LYRM4: variants seen among roughly 807,000 people sequenced by gnomAD.
LYRM4 encodes LYR motif-containing protein 4.
Under a neutral mutation model 11.7 loss-of-function variants are expected in LYRM4, and 9 were observed. The ratio of observed to expected loss-of-function variants is 0.77; its 90% CI spans 0.46 to 1.34. The LOEUF (loss-of-function observed/expected upper bound fraction) is 1.34, where lower values mean the gene tolerates loss of function less well. Among genes scored for constraint, LYRM4 ranks in the 40% most tolerant of loss-of-function variants. The probability of loss-of-function intolerance (pLI) is 0.00; values close to 1 mark genes in which losing one functional copy is unlikely to be tolerated. For missense variants in LYRM4, 133 were observed against 112.5 expected (o/e 1.18, Z -0.82); for synonymous variants, 42 against 40.4 (o/e 1.04, Z -0.15).
chr6:5,117,202 G>T (rs778919718), intron 2 of LYRM4, among the ~76,000 whole-genome samples: 18 of 152,208 alleles, frequency 1.2e-4, no homozygotes, highest in Non-Finnish European at 1.8e-4. Flanking sequence ...CAGGCACCTG[G>T]CAAGAGCCTG....
chr6:5,086,657 C>T, the LYRM4 span: 27 of 1,085,370 alleles, frequency 2.5e-5, no homozygotes, highest in African/African-American at 4.1e-4. Flanking sequence ...CTTTGCTGAG[C>T]GTGGCGAGTC....
chr6:5,195,009 G>A (rs1186525497), intron 2 of LYRM4, among the ~76,000 whole-genome samples: 2 of 152,316 alleles, frequency 1.3e-5, no homozygotes, highest in African/African-American at 4.8e-5. Context: ...GCAAGAAACT[G>A]TTACACATAA....
At chr6:5,181,158 T>C (rs1760049216) in intron 2 of LYRM4, among the ~76,000 whole-genome samples, 1 of 152,228 alleles carries the variant, frequency 6.6e-6, no homozygotes, top group East Asian at 1.9e-4. Context: ...TTTTCGTTTG[T>C]TTGTTTTTAA....
chr6:5,172,412 A>G (rs1759483186), intron 2 of LYRM4, among the ~76,000 whole-genome samples: 1 of 152,166 alleles, frequency 6.6e-6, no homozygotes, highest in African/African-American at 2.4e-5. Context: ...CTGTCCAGGA[A>G]CGATGACCAC....
chr6:5,192,211 G>T (rs1486157975), intron 2 of LYRM4, among the ~76,000 whole-genome samples: 1 of 152,142 alleles, frequency 6.6e-6, no homozygotes. Context: ...TTCCCCACAG[G>T]ACTTTGTGAA....
chr6:5,151,084 A>ATT (rs10599613), intron 2 of LYRM4, among the ~76,000 whole-genome samples: 10 of 136,742 alleles, frequency 7.3e-5, no homozygotes, highest in South Asian at 2.3e-4. Flanking sequence ...TTTGTTTTGA[A>ATT]TTTTTTTTTT....
At chr6:5,259,940 T>C (rs975764519) in intron 1 of LYRM4, among the ~76,000 whole-genome samples, 3 of 152,124 alleles carry the variant, frequency 2.0e-5, no homozygotes, top group African/African-American at 7.2e-5. Flanking sequence ...AATAAAAGAC[T>C]CATAGGCAAA....
At chr6:5,078,318 T>G in the LYRM4 span, among the ~76,000 whole-genome samples, 1 of 151,744 alleles carries the variant, frequency 6.6e-6, no homozygotes, top group African/African-American at 2.4e-5. Context: ...GCTCAGACAG[T>G]GGACTGTGCC....
At chr6:5,223,355 T>G (rs1762695924) in intron 1 of LYRM4, among the ~76,000 whole-genome samples, 1 of 152,220 alleles carries the variant, frequency 6.6e-6, no homozygotes, top group Admixed American at 6.5e-5. Context: ...TGATCTCATT[T>G]AATCCTCACA....
Position 5,210,964 on chromosome 6 carries a change from A to C in LYRM4, c.207+5654T>G, listed in dbSNP as rs539143088. 1.4e-4 allele frequency among the ~76,000 whole-genome samples: 22 copies of C among 152,306 alleles called. 1 individual carries two copies. In the East Asian group the frequency reaches 2.1e-3, roughly 15 times the overall value. On this transcript the variant is annotated intron_variant, in intron 2 of 2. Coordinates refer to ENST00000330636, the MANE Select transcript of LYRM4 (RefSeq NM_020408.6). Reference sequence around the variant, plus strand: ...CTTTTGGCTATTGTGAATAGTATATAATCATTTTCATGTATTTTAAATGTC... The same window carrying C: ...CTTTTGGCTATTGTGAATAGTATATCATCATTTTCATGTATTTTAAATGTC...
intron 2 of LYRM4, among the ~76,000 whole-genome samples, chr6:5,133,065 C>A (rs944350643): frequency 3.3e-5 from 5 of 152,176 alleles, no homozygotes; most frequent in African/African-American, 1.2e-4. Context: ...TACTTTGTCT[C>A]TTTTTGTTAC....
At chr6:5,232,150 A>C (rs1763279201) in intron 1 of LYRM4, among the ~76,000 whole-genome samples, 1 of 152,236 alleles carries the variant, frequency 6.6e-6, no homozygotes, top group African/African-American at 2.4e-5. Context: ...TCTCAAAAAA[A>C]ACTGTTGAAT....
At chr6:5,097,879 C>T in the LYRM4 span, among the ~76,000 whole-genome samples, 2,581 of 152,314 alleles carry the variant, frequency 0.017, 34 homozygotes, top group Middle Eastern at 0.027. Flanking sequence ...ACATACACTG[C>T]GTTTCCTTAC....
At chr6:5,098,600 T>C in the LYRM4 span, among the ~76,000 whole-genome samples, 1 of 152,146 alleles carries the variant, frequency 6.6e-6, no homozygotes, top group Non-Finnish European at 1.5e-5. Flanking sequence ...ACAAGAATAT[T>C]GACGGTGGCA....
downstream of LYRM4, among the ~76,000 whole-genome samples, chr6:5,101,968 C>CTTTTTTTTTCTTTTTTTTTTTTTTTT: frequency 1.5e-5 from 1 of 67,988 alleles, no homozygotes; most frequent in Non-Finnish European, 3.0e-5. Context: ...CTAATGCTTT[C>CTTTTTTTTTCTTTTTTTTTTTTTTTT]TTTTTTTTTT....
chr6:5,117,431 T>C (rs1174660969), intron 2 of LYRM4, among the ~76,000 whole-genome samples: 3 of 151,994 alleles, frequency 2.0e-5, no homozygotes, highest in Non-Finnish European at 1.5e-5. Context: ...GGTGTGCGCC[T>C]GTAATCGCAG....
At chr6:5,067,512 C>T in the LYRM4 span, among the ~76,000 whole-genome samples, 1 of 152,212 alleles carries the variant, frequency 6.6e-6, no homozygotes, top group Admixed American at 6.5e-5. Context: ...TGGCGGCCAG[C>T]TTCCTCAAAG....
the LYRM4 span, among the ~76,000 whole-genome samples, chr6:5,079,703 C>T: frequency 1.3e-5 from 2 of 152,208 alleles, no homozygotes; most frequent in African/African-American, 4.8e-5. Flanking sequence ...CAAAACTAAA[C>T]ATACTTCTCC....
chr6:5,048,093 CAT>C, the LYRM4 span, among the ~76,000 whole-genome samples: 1 of 152,172 alleles, frequency 6.6e-6, no homozygotes, highest in African/African-American at 2.4e-5. Context: ...TGTCTACTAA[CAT>C]AGTTCATATT....
Sources: gnomAD v4.1 joint callset for allele counts (sites outside exome capture counted in the v4.1 genomes callset) on GRCh38, gnomAD v4.1.1 for gene constraint, MANE v1.5 for transcripts, NCBI Gene and HGNC (gene_info 2026-07-23, HGNC 2026-07-21) for gene names.